The following SRGAP3 variants were observed in gnomAD, a reference collection of about 807,000 sequenced individuals.
The protein encoded by SRGAP3 is SLIT-ROBO Rho GTPase-activating protein 3.
Under a neutral mutation model 121.1 loss-of-function variants are expected in SRGAP3, and 39 were observed. That is an observed-to-expected ratio of 0.32 (90% CI 0.25 to 0.42). The LOEUF (loss-of-function observed/expected upper bound fraction) is 0.42. Ranked by LOEUF, SRGAP3 falls within the 10% of genes least tolerant of loss-of-function variation. SRGAP3 has a pLI of 1.00. For synonymous variants in SRGAP3, 601 were observed against 570.0 expected, an observed-to-expected ratio of 1.05 and a Z score of -0.77; for missense variants, 1,213 against 1,470.6, an observed-to-expected ratio of 0.82 and a Z score of 2.86.
intron 2 of SRGAP3, among the ~76,000 whole-genome samples, chr3:9,116,330 C>G (rs764119839): frequency 3.0e-4 from 46 of 152,314 alleles, no homozygotes; most frequent in Non-Finnish European, 5.7e-4. Flanking sequence ...TTAAAGAAAG[C>G]ATTTGGTAGT....
intron 5 of SRGAP3, among the ~76,000 whole-genome samples, chr3:9,063,607 G>C (rs553833404): frequency 6.6e-6 from 1 of 152,170 alleles, no homozygotes; most frequent in African/African-American, 2.4e-5. Flanking sequence ...CCAAAGTGCT[G>C]ATATTACAGG....
intron 1 of SRGAP3, among the ~76,000 whole-genome samples, chr3:9,182,429 C>T (rs369439965): frequency 6.6e-6 from 1 of 151,894 alleles, no homozygotes; most frequent in Admixed American, 6.6e-5. Flanking sequence ...GAGGCATCTA[C>T]AAGCCAAGGC....
At chr3:9,132,469 T>C (rs1430076746) in intron 1 of SRGAP3, among the ~76,000 whole-genome samples, 1 of 152,208 alleles carries the variant, frequency 6.6e-6, no homozygotes, top group African/African-American at 2.4e-5. Context: ...ACTGTCTCTA[T>C]AGTTTTGCCT....
At chr3:9,154,383 A>G (rs1040063662) in intron 1 of SRGAP3, among the ~76,000 whole-genome samples, 1 of 152,168 alleles carries the variant, frequency 6.6e-6, no homozygotes, top group Non-Finnish European at 1.5e-5. Context: ...AGAGGGCCTG[A>G]GGATACAGGA....
chr3:9,071,107 G>A (rs983831636), intron 4 of SRGAP3, among the ~76,000 whole-genome samples: 1 of 152,088 alleles, frequency 6.6e-6, no homozygotes, highest in Non-Finnish European at 1.5e-5. Context: ...CAGGACTGGG[G>A]AGCAGCTGAA....
intron 3 of SRGAP3, among the ~76,000 whole-genome samples, chr3:9,284,456 C>T (rs1188825927): frequency 6.6e-6 from 1 of 152,194 alleles, no homozygotes; most frequent in Non-Finnish European, 1.5e-5. Flanking sequence ...GTGCCAGAAG[C>T]TTTAGCTACC....
intron 1 of SRGAP3, among the ~76,000 whole-genome samples, chr3:9,206,246 C>A (rs913566238): frequency 2.0e-5 from 3 of 152,202 alleles, no homozygotes; most frequent in African/African-American, 7.2e-5. Flanking sequence ...TGCATTTAAC[C>A]CTCACAACAA....
At chr3:9,091,718 G>C (rs886935016) in intron 3 of SRGAP3, among the ~76,000 whole-genome samples, 2 of 152,042 alleles carry the variant, frequency 1.3e-5, no homozygotes, top group Admixed American at 6.6e-5. Context: ...GCCAATAACC[G>C]GGCTATCGGC....
At chr3:9,076,234 T>A (rs1397382820) in intron 4 of SRGAP3, among the ~76,000 whole-genome samples, 5 of 152,200 alleles carry the variant, frequency 3.3e-5, no homozygotes, top group Non-Finnish European at 7.4e-5. Context: ...GTGGTTGTTC[T>A]AAGTCACAGA....
chr3:9,070,116 C>T (rs2125230850), intron 4 of SRGAP3, among the ~76,000 whole-genome samples: 1 of 152,366 alleles, frequency 6.6e-6, no homozygotes, highest in South Asian at 2.1e-4. Context: ...TGCCTCTTCC[C>T]TGATCCTCAG....
At chr3:9,125,660 T>TA (rs938113229) in intron 1 of SRGAP3, among the ~76,000 whole-genome samples, 3 of 152,228 alleles carry the variant, frequency 2.0e-5, no homozygotes, top group African/African-American at 7.2e-5. Flanking sequence ...AAGCTGGAGT[T>TA]AAAAATCACA....
intron 1 of SRGAP3, among the ~76,000 whole-genome samples, chr3:9,153,233 C>T (rs1950273873): frequency 6.6e-6 from 1 of 152,184 alleles, no homozygotes; most frequent in Non-Finnish European, 1.5e-5. Context: ...CCCAAGAGCA[C>T]TTACTACAGT....
At chr3:9,258,509 G>A (rs1324486074) in intron 3 of SRGAP3, among the ~76,000 whole-genome samples, 2 of 152,210 alleles carry the variant, frequency 1.3e-5, no homozygotes, top group East Asian at 1.9e-4. Context: ...TTTGAGGAAG[G>A]TGACTCTAGT....
chr3:9,336,762 T>C (rs910551757), intron 1 of SRGAP3, among the ~76,000 whole-genome samples: 1 of 151,690 alleles, frequency 6.6e-6, no homozygotes, highest in Non-Finnish European at 1.5e-5. Context: ...GGAATAAGAG[T>C]CTTACTTTAA....
At chr3:9,177,654 T>C (rs1951227140) in intron 1 of SRGAP3, among the ~76,000 whole-genome samples, 1 of 152,200 alleles carries the variant, frequency 6.6e-6, no homozygotes, top group Non-Finnish European at 1.5e-5. Context: ...AGCCACTGGG[T>C]GCCAAGGACA....
intron 18 of SRGAP3, among the ~76,000 whole-genome samples, chr3:8,996,760 G>A (rs959009421): frequency 1.3e-5 from 2 of 152,222 alleles, no homozygotes; most frequent in South Asian, 2.1e-4. Flanking sequence ...AGTCAGAAAG[G>A]CCGGAGGGTT....
rs1426065426 is a variant in SRGAP3, at chr3:9,280,848, A to G, written n.442+45162T>C. Among the ~76,000 whole-genome samples the G allele has an allele frequency of 5.3e-5, 8 of 152,350 alleles. No homozygotes were observed. In the East Asian group the frequency reaches 1.3e-3, roughly 26 times the overall value. The stretch of plus-strand genomic sequence containing the variant: ...TGAAATTTTAGGTGCACAGAACCCA[A>G]ATAGTAACTATGGCAACGCAAGCCA... On this transcript the variant is annotated intron_variant and non_coding_transcript_variant, in intron 3 of 3. Coordinates refer to the SRGAP3 transcript ENST00000490889.
At chr3:9,356,655 G>C (rs973111166) in intron 1 of SRGAP3, among the ~76,000 whole-genome samples, 2 of 152,034 alleles carry the variant, frequency 1.3e-5, no homozygotes, top group African/African-American at 4.8e-5. Flanking sequence ...TTACAGGCGT[G>C]AGCCACCACG....
intron 3 of SRGAP3, among the ~76,000 whole-genome samples, chr3:9,312,652 T>C (rs1276617292): frequency 6.6e-6 from 1 of 152,160 alleles, no homozygotes; most frequent in Non-Finnish European, 1.5e-5. Flanking sequence ...GAGAGGTTAT[T>C]TAACAGTCCA....
Sources: gnomAD v4.1 joint callset for allele counts (sites outside exome capture counted in the v4.1 genomes callset) on GRCh38, gnomAD v4.1.1 for gene constraint, MANE v1.5 for transcripts, NCBI Gene and HGNC (gene_info 2026-07-23, HGNC 2026-07-21) for gene names.